Variants in WIPI2 observed in about 807,000 individuals in gnomAD.
WIPI2 encodes the protein WD repeat domain, phosphoinositide interacting 2, also known as WD repeat domain phosphoinositide-interacting protein 2.
WIPI2 carries 28 observed loss-of-function variants against 52.3 expected under a neutral mutation model. The ratio of observed to expected loss-of-function variants is 0.54; its 90% CI spans 0.40 to 0.73. The LOEUF (loss-of-function observed/expected upper bound fraction) is 0.73. Among genes scored for constraint, WIPI2 ranks in the 30% least tolerant of loss-of-function variants. The pLI, the probability that WIPI2 is intolerant of heterozygous loss-of-function variation, is 0.00. For synonymous variants in WIPI2, 268 were observed against 245.0 expected, an observed-to-expected ratio of 1.09 and a Z score of -0.88; for missense variants, 506 against 602.9, an observed-to-expected ratio of 0.84 and a Z score of 1.68.
intron 1 of WIPI2, among the ~76,000 whole-genome samples, chr7:5,191,004 GTT>G (rs1562380183): frequency 1.3e-5 from 2 of 151,514 alleles, no homozygotes; most frequent in African/African-American, 2.4e-5. Flanking sequence ...CTGTTTTTTT[GTT>G]TGTTTTTGTT....
At position 5,231,926 on chromosome 7, in the gene WIPI2, G is replaced by A. The variant is rs769057872; in HGVS notation, c.*979G>A. 1.8e-5 allele frequency: 6 copies of A among 332,852 alleles called. No homozygotes were observed. The highest frequency in any genetic ancestry group is 1.6e-4 in the South Asian group (1 of 6,450). The allele number at this position is 332,852 out of a possible 1,614,324, so 20.6% of individuals were successfully genotyped here. On this transcript the variant is annotated 3_prime_UTR_variant, in exon 13 of 13. Coordinates refer to ENST00000288828, the MANE Select transcript of WIPI2 (RefSeq NM_015610.4). ...AACAGAGAGTAGGCGGCTGGGCCAC[G>A]TCCTTCACAGGGCGTCATGTGCCTT...
chr7:5,205,710 A>G (rs936036649), intron 3 of WIPI2, among the ~76,000 whole-genome samples: 1 of 151,666 alleles, frequency 6.6e-6, no homozygotes, highest in Non-Finnish European at 1.5e-5. Context: ...GTTTCACCAT[A>G]TTGGGCAGGC....
intron 3 of WIPI2, chr7:5,214,270 C>A (rs902157760): frequency 7.0e-7 from 1 of 1,433,786 alleles, no homozygotes; most frequent in African/African-American, 1.4e-5. Flanking sequence ...AATCCAGCAA[C>A]AGAACTGACT....
intron 9 of WIPI2, 189 bp from the exon 10 acceptor site, chr7:5,226,991 C>T (rs111832557): frequency 9.8e-6 from 7 of 716,618 alleles, no homozygotes; most frequent in African/African-American, 7.1e-5. Context: ...TCCCCCGACA[C>T]CTCCCAGAGG....
intron 1 of WIPI2, among the ~76,000 whole-genome samples, chr7:5,191,352 A>G (rs1441207409): frequency 1.3e-5 from 2 of 152,110 alleles, no homozygotes; most frequent in Non-Finnish European, 2.9e-5. Flanking sequence ...ATCAACTTTG[A>G]TGTCTTCTCC....
chr7:5,190,547 C>A (rs977755142), intron 1 of WIPI2, 54 bp downstream of exon 1: 38 of 1,391,140 alleles, frequency 2.7e-5, no homozygotes, highest in Admixed American at 1.3e-4. Context: ...CGGACCCGGG[C>A]TAGGGGGAGG....
At chr7:5,225,676 A>G (rs900842073) in intron 8 of WIPI2, 147 bp from the exon 9 acceptor site, 7 of 596,068 alleles carry the variant, frequency 1.2e-5, no homozygotes, top group African/African-American at 9.3e-5. Context: ...TCTCAAGGAA[A>G]ATGTTTGAGA....
intron 3 of WIPI2, 76 bp from the exon 4 acceptor site, chr7:5,214,459 T>G: frequency 6.2e-7 from 1 of 1,613,570 alleles, no homozygotes; most frequent in Non-Finnish European, 8.5e-7. Flanking sequence ...CAGGTGTTTG[T>G]TTTTGAGCGC....
Position 5,230,875 on chromosome 7 carries a change from G to A in WIPI2, c.1293G>A (p.Leu431=), listed in dbSNP as rs1783694906. The A allele has an allele frequency of 4.3e-6, 7 of 1,613,880 alleles. No individual in the cohort carries two copies. Among genetic ancestry groups the A allele is most frequent in the African/African-American group, 1.3e-5 (1 of 75,034 alleles). Residue 431 remains leucine, a synonymous_variant, in exon 13 of 13, where the codon CTG becomes CTA. Coordinates refer to ENST00000288828, the MANE Select transcript of WIPI2 (RefSeq NM_015610.4). The surrounding 1 kb of genome is among the most constrained non-coding windows in gnomAD (Gnocchi z 4.8). Reference sequence around the variant, plus strand: ...TGGGTGCTGTGGGTGGCGCCTGCCTGGAGGACGAGGCCAGCGCCCTGCGCC... The same window carrying A: ...TGGGTGCTGTGGGTGGCGCCTGCCTAGAGGACGAGGCCAGCGCCCTGCGCC... The part of the protein sequence containing the change: ...DDLGAVGGAC[L]EDEASALRLD...
At chr7:5,198,534 A>G (rs1011270659) in intron 2 of WIPI2, among the ~76,000 whole-genome samples, 1 of 152,146 alleles carries the variant, frequency 6.6e-6, no homozygotes, top group Admixed American at 6.6e-5. Context: ...GGCAGGTCTC[A>G]AATTCCTGAC....
At chr7:5,208,273 T>G (rs1378465113) in intron 3 of WIPI2, among the ~76,000 whole-genome samples, 1 of 152,224 alleles carries the variant, frequency 6.6e-6, no homozygotes, top group African/African-American at 2.4e-5. Flanking sequence ...GTTTATCTTT[T>G]TATTATAGAG....
At position 5,190,464 on chromosome 7, in the gene WIPI2, G is replaced by C. The variant is rs1338743000; in HGVS notation, c.45G>C (p.Leu15=). The C allele has an allele frequency of 5.3e-6, 8 of 1,507,758 alleles. No individual in the cohort carries two copies. Among genetic ancestry groups the C allele is most frequent in the Non-Finnish European group, 7.1e-6 (8 of 1,128,044 alleles). 93.4% of individuals were successfully genotyped at this position (1,507,758 alleles called of 1,614,324 possible). A position where few individuals can be genotyped will look rare whatever the true frequency, so the allele number is the denominator to read the frequency against. The part of the protein sequence containing the change: ...SQSGEAGAGQ[L]LFANFNQDNT... ...GCGGGGAGGCCGGCGCCGGCCAGCT[G>C]CTCTTCGCCAACTTCAACCAGGACA... Residue 15 remains leucine (L), a synonymous_variant, in exon 1 of 13, where the codon CTG becomes CTC. Transcript: ENST00000288828.
At chr7:5,226,599 G>A (rs554755992) in intron 9 of WIPI2, 343 of 152,746 alleles carry the variant, frequency 2.2e-3, no homozygotes, top group Middle Eastern at 6.8e-3. Flanking sequence ...GTGATCTGCC[G>A]GTGAGCCACC....
At position 5,227,963 on chromosome 7, in the gene WIPI2, TG is replaced by T; in HGVS notation, c.1014-137del. 1.3e-6 allele frequency: 1 copy of T among 779,436 alleles called. No individual in the cohort carries two copies. 48.3% of individuals were successfully genotyped at this position (779,436 alleles called of 1,614,324 possible). On this transcript the variant is annotated intron_variant, in intron 10 of 12. Coordinates refer to ENST00000288828, the MANE Select transcript of WIPI2 (RefSeq NM_015610.4). The surrounding 1 kb of genome is among the most constrained non-coding windows in gnomAD (Gnocchi z 8.1). The stretch of plus-strand genomic sequence containing the variant: ...CCTTGGCCGTGTGAGCCGAGGTCAG[TG>T]GGGCGCCAGACACCTGCAGCTGCCC...
chr7:5,229,408 C>G (rs1233906323), intron 11 of WIPI2, 200 bp from the exon 12 acceptor site: 1 of 555,374 alleles, frequency 1.8e-6, no homozygotes, highest in Non-Finnish European at 3.1e-6. Context: ...ATAACTCCCT[C>G]TTTAGACTTT....
At chr7:5,222,070 C>T (rs1458871071) in intron 7 of WIPI2, among the ~76,000 whole-genome samples, 1 of 151,852 alleles carries the variant, frequency 6.6e-6, no homozygotes, top group Non-Finnish European at 1.5e-5. Context: ...CTGCCTCAGC[C>T]TCCCGAGTAG....
rs1783704729 is a variant in WIPI2, at chr7:5,231,082, G to A, written c.*135G>A. The A allele has an allele frequency of 5.2e-6, 3 of 576,286 alleles. No homozygotes were observed. The highest frequency in any genetic ancestry group is 6.2e-5 in the South Asian group (2 of 32,096). The allele number at this position is 576,286 out of a possible 1,614,324, so 35.7% of individuals were successfully genotyped here. A position where few individuals can be genotyped will look rare whatever the true frequency, so the allele number is the denominator to read the frequency against. On this transcript the variant is annotated 3_prime_UTR_variant, in exon 13 of 13. Transcript: ENST00000288828. ...ACTTTATTAAAAAAAAAAAAAGATTGTAGTGGTAGTCTAACTCCATAACGC... is the reference window on the plus strand; with the variant it reads ...ACTTTATTAAAAAAAAAAAAAGATTATAGTGGTAGTCTAACTCCATAACGC...
chr7:5,221,935 A>G (rs1225627790), intron 7 of WIPI2, among the ~76,000 whole-genome samples: 1 of 149,896 alleles, frequency 6.7e-6, no homozygotes, highest in Non-Finnish European at 1.5e-5. Flanking sequence ...TGTACCACAC[A>G]CAAATCCAGG....
intron 3 of WIPI2, among the ~76,000 whole-genome samples, chr7:5,213,687 T>G (rs113361677): frequency 2.2e-4 from 1 of 4,518 alleles, no homozygotes; most frequent in South Asian, 0.014. Context: ...GTTGTTGTTG[T>G]TGTTGTTGTT....
Sources: gnomAD v4.1 joint callset for allele counts (sites outside exome capture counted in the v4.1 genomes callset) on GRCh38, gnomAD v4.1.1 for gene constraint, Gnocchi (gnomAD v3.1) non-coding constraint, MANE v1.5 for transcripts, NCBI Gene and HGNC (gene_info 2026-07-23, HGNC 2026-07-21) for gene names.